LRIF1: variants seen among roughly 807,000 people sequenced by gnomAD.
LRIF1 encodes ligand-dependent nuclear receptor-interacting factor 1.
A neutral mutation model predicts 52.7 loss-of-function variants in LRIF1; 32 were observed. The ratio of observed to expected loss-of-function variants is 0.61; its 90% CI spans 0.46 to 0.82. LRIF1 has a LOEUF of 0.82. LRIF1 is among the 40% of genes least tolerant of loss of function. The pLI is 0.00. For synonymous variants in LRIF1, 323 were observed against 317.4 expected, an observed-to-expected ratio of 1.02 and a Z score of -0.19; for missense variants, 887 against 892.0, an observed-to-expected ratio of 0.99 and a Z score of 0.07.
At chr1:110,888,324 A>C in the LRIF1 span, among the ~76,000 whole-genome samples, 6 of 152,284 alleles carry the variant, frequency 3.9e-5, 2 homozygotes, top group Admixed American at 3.9e-4. Context: ...TCTTTTGTAC[A>C]TTGCGGTGTC....
the LRIF1 span, among the ~76,000 whole-genome samples, chr1:110,930,954 TC>T: frequency 1.3e-5 from 2 of 152,116 alleles, no homozygotes; most frequent in Non-Finnish European, 2.9e-5. Context: ...GACCCTGTCG[TC>T]CAGCCTGTGG....
chr1:110,950,182 T>A, intron 2 of LRIF1, 59 bp from the exon 3 acceptor site: 2 of 1,495,020 alleles, frequency 1.3e-6, no homozygotes, highest in Non-Finnish European at 9.0e-7. Flanking sequence ...GTTACTTTAT[T>A]AAGCAACTAA....
At chr1:110,944,841 A>T (rs767781972), downstream of LRIF1, 2 of 152,124 alleles carry the variant, frequency 1.3e-5, no homozygotes, top group Non-Finnish European at 2.9e-5. Flanking sequence ...CAAATTGGTA[A>T]ATTTAGCTTT....
At position 110,961,822 on chromosome 1, in the gene LRIF1, T is replaced by C. The variant is rs182464313; in HGVS notation, c.68+1799A>G. The stretch of plus-strand genomic sequence containing the variant: ...ATGTTTTATTACTTACAGAACAGAA[T>C]GGAATCAAATACGCAACCATTAACC... On this transcript the variant is annotated intron_variant, in intron 1 of 3. Transcript: ENST00000369763. Among the ~76,000 whole-genome samples the C allele has an allele frequency of 2.8e-3, 423 of 152,252 alleles. 2 individuals are homozygous for C. The highest frequency in any genetic ancestry group is 9.8e-3 in the African/African-American group (408 of 41,566).
chr1:110,894,465 G>A, the LRIF1 span: 1 of 1,244,840 alleles, frequency 8.0e-7, no homozygotes, highest in Non-Finnish European at 1.2e-6. Context: ...CAGTGGAGAA[G>A]TTGGTACAAA....
At chr1:110,890,685 A>G in the LRIF1 span, among the ~76,000 whole-genome samples, 3 of 152,364 alleles carry the variant, frequency 2.0e-5, no homozygotes, top group African/African-American at 7.2e-5. Context: ...TGATGTCCTC[A>G]CTAAGAAAAT....
At position 110,950,102 on chromosome 1, in the gene LRIF1, T is replaced by C. The variant is rs766942341; in HGVS notation, c.1618A>G (p.Thr540Ala). 1.2e-5 allele frequency: 20 copies of C among 1,612,824 alleles called. No individual in the cohort carries two copies. Among genetic ancestry groups the C allele is most frequent in the Middle Eastern group, 1.6e-4 (1 of 6,082 alleles). ...CTTCCTTGGGCACCTTTATCTGATG[T>C]TGATGCCATCTCATTATGGATCTGG... The part of the protein sequence containing the change: ...EPKIHNEMAS[T>A]SDKGAQGRND... The change falls in exon 3 of 4, where the codon ACA becomes GCA. Residue 540 changes from threonine (T) to alanine (A), a missense_variant. Physicochemically the swap from Thr to Ala is moderately conservative, Grantham distance 58. Coordinates refer to ENST00000369763, the MANE Select transcript of LRIF1 (RefSeq NM_018372.4).
At chr1:110,908,892 T>C in the LRIF1 span, among the ~76,000 whole-genome samples, 1 of 152,152 alleles carries the variant, frequency 6.6e-6, no homozygotes, top group Non-Finnish European at 1.5e-5. Context: ...AGAGAACCCC[T>C]GTAAGATATT....
the LRIF1 span, among the ~76,000 whole-genome samples, chr1:110,906,897 G>C: frequency 6.6e-6 from 1 of 152,176 alleles, no homozygotes. Flanking sequence ...CACCAAGTTG[G>C]AGAACTTACT....
the LRIF1 span, among the ~76,000 whole-genome samples, chr1:110,921,977 C>A: frequency 6.6e-6 from 1 of 152,156 alleles, no homozygotes; most frequent in South Asian, 2.1e-4. Flanking sequence ...CTCCTCCCAC[C>A]CTACAACCTT....
chr1:110,962,349 C>G (rs1434111074), intron 1 of LRIF1, among the ~76,000 whole-genome samples: 1 of 152,010 alleles, frequency 6.6e-6, no homozygotes, highest in Non-Finnish European at 1.5e-5. Context: ...AAAAATGGCT[C>G]TTTTTATGAT....
chr1:110,903,576 T>C, the LRIF1 span, among the ~76,000 whole-genome samples: 1 of 151,276 alleles, frequency 6.6e-6, no homozygotes, highest in Non-Finnish European at 1.5e-5. Context: ...GCAACATTCA[T>C]CACCTGCTAA....
chr1:110,900,164 G>A, the LRIF1 span, among the ~76,000 whole-genome samples: 1 of 152,134 alleles, frequency 6.6e-6, no homozygotes, highest in African/African-American at 2.4e-5. Context: ...ATGTCAGCCT[G>A]GGCTGCAGTA....
intron 3 of LRIF1, 34 bp downstream of exon 3, chr1:110,949,817 A>G (rs190051100): frequency 1.3e-6 from 2 of 1,582,736 alleles, no homozygotes; most frequent in Admixed American, 3.5e-5. Context: ...CATTTGTAGT[A>G]CCTATGAAGA....
the LRIF1 span, among the ~76,000 whole-genome samples, chr1:110,903,812 C>T: frequency 6.6e-6 from 1 of 152,014 alleles, no homozygotes; most frequent in East Asian, 1.9e-4. Context: ...GAATAGAGCA[C>T]CAAGTAGGCT....
At chr1:110,891,185 C>T in the LRIF1 span, among the ~76,000 whole-genome samples, 599 of 152,266 alleles carry the variant, frequency 3.9e-3, 1 homozygote, top group African/African-American at 0.014. Flanking sequence ...GTTGGCTTGC[C>T]GAATTGGGCA....
intron 2 of LRIF1, among the ~76,000 whole-genome samples, chr1:110,951,063 A>T (rs866477516): frequency 1.3e-4 from 20 of 152,120 alleles, no homozygotes; most frequent in South Asian, 4.1e-4. Flanking sequence ...ATGCCAAGTG[A>T]TTCAAGAGAA....
chr1:110,919,599 A>G, the LRIF1 span, among the ~76,000 whole-genome samples: 11,780 of 152,246 alleles, frequency 0.077, 1,536 homozygotes, highest in African/African-American at 0.27. Flanking sequence ...TCCAAACAAA[A>G]AAAAGATTAT....
chr1:110,925,639 A>C, the LRIF1 span, among the ~76,000 whole-genome samples: 2 of 152,056 alleles, frequency 1.3e-5, no homozygotes, highest in Non-Finnish European at 2.9e-5. Flanking sequence ...AGAATAAGAC[A>C]AAAAAAGAGA....
Sources: gnomAD v4.1 joint callset for allele counts (sites outside exome capture counted in the v4.1 genomes callset) on GRCh38, gnomAD v4.1.1 for gene constraint, MANE v1.5 for transcripts, NCBI Gene and HGNC (gene_info 2026-07-23, HGNC 2026-07-21) for gene names.